The following RGS12 variants were observed in gnomAD, a reference collection of about 807,000 sequenced individuals.
RGS12 encodes the protein regulator of G protein signaling 12.
RGS12 carries 66 observed loss-of-function variants against 120.1 expected under a neutral mutation model. That is an observed-to-expected ratio of 0.55 (90% CI 0.45 to 0.67). The LOEUF is 0.67. RGS12 is among the 30% of genes least tolerant of loss of function. RGS12 has a pLI of 0.00. For missense variants in RGS12, 1,859 were observed against 1,957.7 expected, an observed-to-expected ratio of 0.95 and a Z score of 0.95; for synonymous variants, 827 against 804.7, an observed-to-expected ratio of 1.03 and a Z score of -0.47.
chr4:3,362,852 GGTGT>G (rs374658943), intron 3 of RGS12, among the ~76,000 whole-genome samples: 3,639 of 138,194 alleles, frequency 0.026, 153 homozygotes, highest in African/African-American at 0.095. Flanking sequence ...TGAGTGTGAG[GGTGT>G]GTGTGTGCGA....
chr4:3,334,975 A>C (rs771062142), intron 2 of RGS12, among the ~76,000 whole-genome samples: 1 of 151,802 alleles, frequency 6.6e-6, no homozygotes, highest in Non-Finnish European at 1.5e-5. Flanking sequence ...TTTTGTTTTG[A>C]TTTCAAGCCT....
intron 17 of RGS12, chr4:3,431,259 T>C: frequency 1.6e-6 from 2 of 1,266,890 alleles, no homozygotes; most frequent in Non-Finnish European, 2.0e-6. Flanking sequence ...ACACCCTGGG[T>C]GAGGCCTGGG....
chr4:3,340,355 G>T (rs1712935425), intron 2 of RGS12, among the ~76,000 whole-genome samples: 1 of 152,244 alleles, frequency 6.6e-6, no homozygotes, highest in Non-Finnish European at 1.5e-5. Context: ...CTGGTGGGAA[G>T]GAAAAGACCC....
chr4:3,417,882 A>G, intron 9 of RGS12: 1 of 229,704 alleles, frequency 4.4e-6, no homozygotes, highest in Non-Finnish European at 8.5e-6. Context: ...TGTTTTTGGT[A>G]GAAAATTTGG....
chr4:3,337,387 A>G (rs1221016743), intron 2 of RGS12, among the ~76,000 whole-genome samples: 1 of 152,216 alleles, frequency 6.6e-6, no homozygotes, highest in East Asian at 1.9e-4. Flanking sequence ...AAGAATTGAA[A>G]TCAAGGTCTT....
chr4:3,401,095 A>G (rs1450528790), intron 4 of RGS12, among the ~76,000 whole-genome samples: 1 of 152,234 alleles, frequency 6.6e-6, no homozygotes, highest in African/African-American at 2.4e-5. Context: ...AACCTGGCAG[A>G]GTTCAGTGAG....
chr4:3,414,713 T>C (rs565098085), intron 5 of RGS12, 39 bp from the exon 6 acceptor site: 3 of 1,411,236 alleles, frequency 2.1e-6, no homozygotes, highest in South Asian at 1.2e-5. Context: ...AGGAGGACCC[T>C]GTGTCAGTGT....
intron 2 of RGS12, among the ~76,000 whole-genome samples, chr4:3,342,251 A>G (rs1253554301): frequency 6.6e-6 from 1 of 152,146 alleles, no homozygotes; most frequent in Non-Finnish European, 1.5e-5. Context: ...AGAGCTCCCA[A>G]CTGTGATGCT....
intron 2 of RGS12, among the ~76,000 whole-genome samples, chr4:3,319,567 A>C (rs1158538522): frequency 6.6e-6 from 1 of 152,058 alleles, no homozygotes; most frequent in African/African-American, 2.4e-5. Flanking sequence ...AGCTGGGACT[A>C]CTGAGTAGCT....
At chr4:3,427,315 G>T (rs1723762582) in intron 14 of RGS12, among the ~76,000 whole-genome samples, 1 of 152,208 alleles carries the variant, frequency 6.6e-6, no homozygotes, top group South Asian at 2.1e-4. Flanking sequence ...CAGCGTTTTT[G>T]TAGGGCTGTA....
intron 2 of RGS12, among the ~76,000 whole-genome samples, chr4:3,336,965 T>G (rs1712543217): frequency 6.7e-6 from 1 of 148,540 alleles, no homozygotes; most frequent in African/African-American, 2.5e-5. Flanking sequence ...TAAAAAAAAA[T>G]GGGCAAAGAT....
intron 11 of RGS12, 50 bp downstream of exon 11, chr4:3,422,620 G>T (rs777869019): frequency 1.3e-6 from 2 of 1,556,364 alleles, no homozygotes; most frequent in Non-Finnish European, 1.7e-6. Flanking sequence ...TGACCTCCCC[G>T]CTCCCTGGCC....
chr4:3,360,684 G>T (rs1430091448), intron 3 of RGS12, among the ~76,000 whole-genome samples: 1 of 152,138 alleles, frequency 6.6e-6, no homozygotes, highest in Admixed American at 6.6e-5. Context: ...GACACAAAAG[G>T]CACTTACTGT....
intron 2 of RGS12, among the ~76,000 whole-genome samples, chr4:3,332,292 T>C (rs1402910427): frequency 1.3e-5 from 2 of 152,240 alleles, no homozygotes; most frequent in African/African-American, 4.8e-5. Context: ...GTTTTGCTGC[T>C]GCTTCAGTTT....
chr4:3,316,973 T>C lies in RGS12; in HGVS notation c.803T>C (p.Ile268Thr), dbSNP rs1328685834. The C allele has an allele frequency of 6.2e-7, 1 of 1,613,728 alleles. No homozygotes were observed. Among genetic ancestry groups the C allele is most frequent in the Admixed American group, 1.7e-5 (1 of 60,020 alleles). ...CMRRLRAEQK[I>T]HSLVTMKIMH... ...CGGCGCCTGCGGGCAGAGCAGAAAA[T>C]CCACTCGCTGGTGACCATGAAGATC... Residue 268 changes from isoleucine (I) to threonine (T), a missense_variant, in exon 2 of 18, where the codon ATC becomes ACC. Physicochemically the swap from Ile to Thr is moderately conservative, Grantham distance 89. Around this residue, in one of 3 missense-constraint regions of RGS12, gnomAD observed 967 missense variants for 994.2 expected, o/e 0.97. Transcript: ENST00000336727.
chr4:3,311,347 T>G (rs1724390841), intron 1 of RGS12, among the ~76,000 whole-genome samples: 3 of 152,186 alleles, frequency 2.0e-5, no homozygotes. Flanking sequence ...GTGGAGGAGT[T>G]TATCAGAACA....
chr4:3,431,598 G>A, intron 17 of RGS12: 3 of 985,592 alleles, frequency 3.0e-6, no homozygotes, highest in Non-Finnish European at 3.6e-6. Flanking sequence ...AGGATGGCCT[G>A]GCAGCAGGGA....
chr4:3,325,861 A>G (rs1215080447), intron 2 of RGS12, among the ~76,000 whole-genome samples: 7 of 152,224 alleles, frequency 4.6e-5, no homozygotes, highest in Non-Finnish European at 7.3e-5. Flanking sequence ...CCAGGGATGC[A>G]AGGATGGTTC....
At chr4:3,293,336 C>G (rs924764623) in intron 1 of RGS12, among the ~76,000 whole-genome samples, 2 of 144,316 alleles carry the variant, frequency 1.4e-5, no homozygotes, top group East Asian at 2.0e-4. Context: ...CGGGGGCGGG[C>G]GGCGCGGGGC....
Sources: allele counts gnomAD v4.1 joint callset (sites outside exome capture counted in the v4.1 genomes callset), GRCh38; gene constraint gnomAD v4.1.1; regional missense constraint gnomAD v4.1.1; transcripts MANE v1.5; gene names NCBI Gene and HGNC (gene_info 2026-07-23, HGNC 2026-07-21).